The following TTC21B variants were observed in gnomAD, a reference collection of about 807,000 sequenced individuals.
TTC21B encodes tetratricopeptide repeat protein 21B.
In TTC21B, 127 loss-of-function variants were observed where a neutral mutation model predicts 175.1. The observed-to-expected ratio is 0.73, with a 90% CI of 0.63 to 0.84. The LOEUF (loss-of-function observed/expected upper bound fraction) is 0.84, where lower values mean the gene tolerates loss of function less well. TTC21B is among the 40% of genes least tolerant of loss of function. The pLI is 0.00. For missense variants in TTC21B, 1,561 were observed against 1,558.3 expected (o/e 1.00, Z -0.03); for synonymous variants, 524 against 524.5 (o/e 1.00, Z 0.01).
Position 165,929,120 on chromosome 2 carries a change from C to T in TTC21B, c.1386+15G>A, listed in dbSNP as rs201281283. The T allele has an allele frequency of 2.2e-5, 35 of 1,607,384 alleles. No individual in the cohort carries two copies. In the Middle Eastern group the frequency reaches 6.6e-4, roughly 30 times the overall value. On this transcript the variant is annotated intron_variant, in intron 11 of 28. Coordinates refer to ENST00000243344, the MANE Select transcript of TTC21B (RefSeq NM_024753.5). The stretch of plus-strand genomic sequence containing the variant: ...AGTAAACGCATCCTTGAAAGTAAGT[C>T]CCATAATTACTTACCTGCATTGGAC...
Position 165,924,608 on chromosome 2 carries a change from C to A in TTC21B, c.1457G>T (p.Arg486Ile), listed in dbSNP as rs771837356. ...TGTTTGCAGAAGACCTGGAACAGTT[C>A]TTACTACAGTCTCCAGGACTGAGAT... Reference protein sequence around the residue: ...RCISVLETVVRTVPGLLQTVF... With the variant: ...RCISVLETVVITVPGLLQTVF... Residue 486 changes from arginine (R) to isoleucine (I), a missense_variant, in exon 12 of 29, where the codon AGA (arginine) becomes ATA (isoleucine). Arg to Ile is a moderately conservative substitution (Grantham distance 97). Coordinates refer to ENST00000243344, the MANE Select transcript of TTC21B (RefSeq NM_024753.5). 6.2e-7 allele frequency: 1 copy of A among 1,613,800 alleles called. No individual in the cohort carries two copies. Among genetic ancestry groups the A allele is most frequent in the Non-Finnish European group, 8.5e-7 (1 of 1,179,826 alleles).
Position 165,918,070 on chromosome 2 carries a change from C to A in TTC21B, c.1675-589G>T, listed in dbSNP as rs117730373. 1.1e-3 allele frequency among the ~76,000 whole-genome samples: 165 copies of A among 152,248 alleles called. 3 individuals are homozygous for A. The East Asian group carries it at 0.031, about 29-fold the overall frequency. ...TCAAAGGGAAGGAGAGGACTCAGAA[C>A]GAGGTGACGTGGCAGCCACCTAGCG... is the stretch of plus-strand genomic sequence containing the variant. On this transcript the variant is annotated intron_variant, in intron 13 of 28. Coordinates refer to ENST00000243344, the MANE Select transcript of TTC21B (RefSeq NM_024753.5).
Position 165,890,951 on chromosome 2 carries a change from T to A in TTC21B, c.2988A>T (p.Leu996=), listed in dbSNP as rs755509537. ...CATCCTCGAGTTTTCCACATCTTCT[T>A]AGGAGATCAATCAAACGAGATAATG... ...YMTLSRLIDL[L]RRCGKLEDVP... The change falls in exon 23 of 29, where the codon CTA becomes CTT. Residue 996 remains leucine, a synonymous_variant. Transcript: ENST00000243344. 6.2e-7 allele frequency: 1 copy of A among 1,613,110 alleles called. No homozygotes were observed. Among genetic ancestry groups the A allele is most frequent in the Non-Finnish European group, 8.5e-7 (1 of 1,179,260 alleles).
At chr2:165,927,093 GAT>G (rs1189801816) in intron 11 of TTC21B, among the ~76,000 whole-genome samples, 4,257 of 8,924 alleles carry the variant, frequency 0.48, 1,654 homozygotes, top group Non-Finnish European at 0.59. Flanking sequence ...TATCCTAGTA[GAT>G]ATATATATAT....
chr2:165,875,662 T>C lies in TTC21B; in HGVS notation c.3873+503A>G, dbSNP rs538865156. 8.5e-5 allele frequency among the ~76,000 whole-genome samples: 13 copies of C among 152,306 alleles called. No individual in the cohort carries two copies. In the South Asian group the frequency reaches 2.7e-3, roughly 32 times the overall value. On this transcript the variant is annotated intron_variant, in intron 28 of 28. Coordinates refer to ENST00000243344, the MANE Select transcript of TTC21B (RefSeq NM_024753.5). ...TAATAGAATTCCTTTTTATCTCTAA[T>C]TGATCAGTCTGAATTCTCTAATAAC...
At chr2:165,909,599 T>C (rs879640151) in intron 18 of TTC21B, among the ~76,000 whole-genome samples, 1 of 152,200 alleles carries the variant, frequency 6.6e-6, no homozygotes, top group Admixed American at 6.5e-5. Flanking sequence ...ATTAAAATGT[T>C]TATTTTTCAT....
intron 22 of TTC21B, among the ~76,000 whole-genome samples, chr2:165,894,268 C>T (rs997527726): frequency 2.6e-5 from 4 of 152,032 alleles, no homozygotes; most frequent in African/African-American, 4.8e-5. Flanking sequence ...AGAAAAGGGG[C>T]AATCTGTCGT....
At chr2:165,914,522 T>C (rs1333124680) in intron 15 of TTC21B, among the ~76,000 whole-genome samples, 1 of 152,126 alleles carries the variant, frequency 6.6e-6, no homozygotes, top group Non-Finnish European at 1.5e-5. Context: ...TTTGATATAA[T>C]ATAGATGAGC....
At chr2:165,911,604 CAATT>C (rs1685936382) in intron 17 of TTC21B, 139 bp from the exon 18 acceptor site, 1 of 849,462 alleles carries the variant, frequency 1.2e-6, no homozygotes, top group Non-Finnish European at 1.9e-6. Flanking sequence ...ACCTGCCTGT[CAATT>C]AAGTATGTCA....
chr2:165,888,629 T>C (rs924231508), intron 24 of TTC21B, among the ~76,000 whole-genome samples, 155 bp from the exon 25 acceptor site: 4 of 152,228 alleles, frequency 2.6e-5, no homozygotes, highest in African/African-American at 9.6e-5. Flanking sequence ...ATGTCACTCA[T>C]TCTCTTCTAA....
chr2:165,877,570 G>A (rs979571977), intron 27 of TTC21B, among the ~76,000 whole-genome samples: 1 of 152,132 alleles, frequency 6.6e-6, no homozygotes, highest in Non-Finnish European at 1.5e-5. Flanking sequence ...TGTGTAGTAG[G>A]ATCTACCACC....
intron 25 of TTC21B, among the ~76,000 whole-genome samples, chr2:165,885,149 CAAAAT>C (rs1684962319): frequency 6.6e-6 from 1 of 151,876 alleles, no homozygotes; most frequent in African/African-American, 2.4e-5. Context: ...GACACTGTCT[CAAAAT>C]AAAAACAAAA....
intron 28 of TTC21B, among the ~76,000 whole-genome samples, chr2:165,875,444 C>T (rs547278697): frequency 1.3e-5 from 2 of 152,140 alleles, no homozygotes; most frequent in East Asian, 3.9e-4. Flanking sequence ...AGGGGCATTA[C>T]AAAATTCTTT....
At position 165,927,067 on chromosome 2, in the gene TTC21B, GATAT is replaced by G. The variant is rs569198607; in HGVS notation, c.1386+2064_1386+2067del. ...ATGTGTATATATATATATCCTAGTAGATATATATATATATATATCCTAGTAGATA... is the reference window on the plus strand; with the variant it reads ...ATGTGTATATATATATATCCTAGTAGATATATATATATATCCTAGTAGATA... On this transcript the variant is annotated intron_variant, in intron 11 of 28. Transcript: ENST00000243344. 7.2e-3 allele frequency among the ~76,000 whole-genome samples: 35 copies of G among 4,856 alleles called. 4 individuals are homozygous for G. Among genetic ancestry groups the G allele is most frequent in the African/African-American group, 0.019 (35 of 1,832 alleles). The allele number at this position is 4,856 out of a possible 152,430, so 3.2% of individuals were successfully genotyped here.
chr2:165,924,042 C>T (rs1470585001), intron 12 of TTC21B, among the ~76,000 whole-genome samples: 3 of 152,064 alleles, frequency 2.0e-5, no homozygotes, highest in African/African-American at 4.8e-5. Context: ...TGTGAGCCAC[C>T]GCACCCAGCC....
intron 28 of TTC21B, among the ~76,000 whole-genome samples, chr2:165,875,798 T>C (rs1035365012): frequency 8.0e-5 from 12 of 150,762 alleles, no homozygotes; most frequent in African/African-American, 2.9e-4. Flanking sequence ...AACATGTTTC[T>C]CCCACTGGTC....
chr2:165,922,632 G>A (rs965201285), intron 12 of TTC21B, among the ~76,000 whole-genome samples: 1 of 148,276 alleles, frequency 6.7e-6, no homozygotes, highest in Non-Finnish European at 1.5e-5. Context: ...TACATTGCTA[G>A]TGAGAATGTA....
At chr2:165,907,598 G>A in intron 19 of TTC21B, 80 bp downstream of exon 19, 1 of 904,750 alleles carries the variant, frequency 1.1e-6, no homozygotes, top group South Asian at 1.3e-5. Flanking sequence ...AAAAGAGATT[G>A]CTTTCCTCTT....
chr2:165,944,434 T>C (rs1399083339), intron 4 of TTC21B, among the ~76,000 whole-genome samples: 1 of 152,188 alleles, frequency 6.6e-6, no homozygotes, highest in Non-Finnish European at 1.5e-5. Context: ...TCACAGGTCC[T>C]GTGGGTATTT....
Sources: gnomAD v4.1 joint callset for allele counts (sites outside exome capture counted in the v4.1 genomes callset) on GRCh38, gnomAD v4.1.1 for gene constraint, MANE v1.5 for transcripts, NCBI Gene and HGNC (gene_info 2026-07-23, HGNC 2026-07-21) for gene names.